Variants in ASNS observed in about 807,000 individuals in gnomAD.
ASNS encodes asparagine synthetase (glutamine-hydrolyzing).
ASNS carries 37 observed loss-of-function variants against 62.6 expected under a neutral mutation model. The observed-to-expected ratio is 0.59, with a 90% CI of 0.45 to 0.78. ASNS has a LOEUF of 0.78. Among genes scored for constraint, ASNS ranks in the 30% least tolerant of loss-of-function variants. ASNS has a pLI of 0.00. For missense variants in ASNS, 520 were observed against 682.4 expected (o/e 0.76, Z 2.65); for synonymous variants, 207 against 237.9 (o/e 0.87, Z 1.19).
At chr7:97,886,796 AC>A in the ASNS span, among the ~76,000 whole-genome samples, 1 of 152,122 alleles carries the variant, frequency 6.6e-6, no homozygotes, top group Non-Finnish European at 1.5e-5. Flanking sequence ...TTTTAATGTG[AC>A]TGTGTTTTAT....
the ASNS span, among the ~76,000 whole-genome samples, chr7:97,913,564 T>C: frequency 1.3e-5 from 2 of 152,092 alleles, no homozygotes; most frequent in East Asian, 3.9e-4. Flanking sequence ...TAATGTGACA[T>C]CTTATTTAAT....
At chr7:97,904,950 G>A in the ASNS span, among the ~76,000 whole-genome samples, 3 of 151,912 alleles carry the variant, frequency 2.0e-5, no homozygotes, top group South Asian at 2.1e-4. Context: ...TGATGAAAAC[G>A]GCCCCAAGAA....
chr7:97,883,987 C>CAAAAAAAAAAAA, the ASNS span, among the ~76,000 whole-genome samples: 7 of 104,360 alleles, frequency 6.7e-5, no homozygotes, highest in East Asian at 9.0e-4. Flanking sequence ...GACTCCATCT[C>CAAAAAAAAAAAA]AAAAAAAAAA....
chr7:97,928,222 C>G, the ASNS span: 438 of 1,526,104 alleles, frequency 2.9e-4, no homozygotes, highest in East Asian at 9.6e-3. Flanking sequence ...GGAGGGACGT[C>G]GTCCTCCTCC....
chr7:97,872,208 A>C (rs866954933), intron 1 of ASNS, 143 bp downstream of exon 1: 1 of 152,262 alleles, frequency 6.6e-6, no homozygotes, highest in Non-Finnish European at 1.5e-5. Flanking sequence ...GAGCCGCAGC[A>C]TCAGCAGGCG....
At chr7:97,883,045 C>T in the ASNS span, among the ~76,000 whole-genome samples, 1 of 152,152 alleles carries the variant, frequency 6.6e-6, no homozygotes, top group Non-Finnish European at 1.5e-5. Flanking sequence ...CTCCTGCAGC[C>T]GCAGGCCAGA....
the ASNS span, among the ~76,000 whole-genome samples, chr7:97,897,896 T>G: frequency 6.6e-6 from 1 of 152,180 alleles, no homozygotes; most frequent in Non-Finnish European, 1.5e-5. Context: ...AATGGGAATA[T>G]ACACACAATA....
the ASNS span, among the ~76,000 whole-genome samples, chr7:97,915,268 T>C: frequency 9.2e-5 from 14 of 152,170 alleles, no homozygotes. Context: ...AGAGCTACCA[T>C]GAGAGAAGAA....
At chr7:97,902,865 A>C in the ASNS span, among the ~76,000 whole-genome samples, 1 of 152,172 alleles carries the variant, frequency 6.6e-6, no homozygotes, top group East Asian at 1.9e-4. Flanking sequence ...AACAGCCTCC[A>C]CCTATTTCAC....
chr7:97,876,342 CA>C (rs1190678989), upstream of ASNS, among the ~76,000 whole-genome samples: 3 of 151,952 alleles, frequency 2.0e-5, no homozygotes, highest in Non-Finnish European at 2.9e-5. Context: ...TTGGTTTCCT[CA>C]TCAATAAAAT....
upstream of ASNS, among the ~76,000 whole-genome samples, chr7:97,874,739 T>C (rs1435303910): frequency 6.6e-6 from 1 of 152,194 alleles, no homozygotes; most frequent in Non-Finnish European, 1.5e-5. Context: ...GATGAATAGA[T>C]AAATACACGG....
At chr7:97,884,406 A>C in the ASNS span, among the ~76,000 whole-genome samples, 1 of 151,918 alleles carries the variant, frequency 6.6e-6, no homozygotes, top group Non-Finnish European at 1.5e-5. Context: ...AAAATTAGCC[A>C]GGTGTGGTGG....
At chr7:97,917,383 A>G in the ASNS span, among the ~76,000 whole-genome samples, 6 of 152,176 alleles carry the variant, frequency 3.9e-5, no homozygotes, top group Non-Finnish European at 7.3e-5. Context: ...TGCCTTACAG[A>G]GTCAAGGGCT....
the ASNS span, among the ~76,000 whole-genome samples, chr7:97,886,680 G>A: frequency 2.6e-5 from 4 of 152,194 alleles, 1 homozygote; most frequent in Middle Eastern, 6.8e-3. Context: ...AAAACAAGAC[G>A]TGGGGCTGCC....
chr7:97,898,928 AG>A, the ASNS span: 5 of 1,165,896 alleles, frequency 4.3e-6, no homozygotes, highest in Non-Finnish European at 6.3e-6. Flanking sequence ...TTCAAACACA[AG>A]ACCCTTGAGA....
In ASNS at chr7:97,868,891, G is replaced by A; in HGVS notation, c.249+17C>T. 14 of 1,611,696 alleles carry A rather than the reference G, an allele frequency of 8.7e-6. No individual in the cohort carries two copies. The highest frequency in any genetic ancestry group is 1.3e-5 in the African/African-American group (1 of 74,988). On this transcript the variant is annotated intron_variant, in intron 3 of 12. Transcript: ENST00000394308. ...GAAGTTTAATCGCATCCAGACATCT[G>A]GTTTCTTTCTCCTCACCTTCTTATG...
chr7:97,884,547 C>T, the ASNS span, among the ~76,000 whole-genome samples: 7 of 152,140 alleles, frequency 4.6e-5, no homozygotes, highest in South Asian at 1.4e-3. Context: ...GAAAGTCCGT[C>T]TCCAAAAAAA....
At chr7:97,905,638 G>T in the ASNS span, among the ~76,000 whole-genome samples, 1 of 152,200 alleles carries the variant, frequency 6.6e-6, no homozygotes, top group African/African-American at 2.4e-5. Context: ...CTAGATCACT[G>T]TATCTTGACC....
At chr7:97,896,739 CACATATATAT>C in the ASNS span, among the ~76,000 whole-genome samples, 281 of 31,996 alleles carry the variant, frequency 8.8e-3, 7 homozygotes, top group Middle Eastern at 0.026. Context: ...CACACACACA[CACATATATAT>C]ATATATATAT....
Sources: gnomAD v4.1 joint callset for allele counts (sites outside exome capture counted in the v4.1 genomes callset) on GRCh38, gnomAD v4.1.1 for gene constraint, MANE v1.5 for transcripts, NCBI Gene and HGNC (gene_info 2026-07-23, HGNC 2026-07-21) for gene names.